The following CRCP variants were observed in gnomAD, a reference collection of about 807,000 sequenced individuals.
CRCP encodes DNA-directed RNA polymerase III subunit RPC9.
A neutral mutation model predicts 18.5 loss-of-function variants in CRCP; 18 were observed. The observed-to-expected ratio is 0.97, with a 90% CI of 0.67 to 1.44. CRCP has a LOEUF of 1.44. Ranked by LOEUF, CRCP falls within the 40% of genes most tolerant of loss-of-function variation. The pLI is 0.00. For missense variants in CRCP, 130 were observed against 176.4 expected (o/e 0.74, Z 1.49); for synonymous variants, 53 against 62.9 (o/e 0.84, Z 0.75).
chr7:66,143,363 A>G (rs1788194898), intron 4 of CRCP, among the ~76,000 whole-genome samples: 1 of 152,156 alleles, frequency 6.6e-6, no homozygotes. Context: ...GCCTCTTGAT[A>G]GTCAGGGCCC....
At chr7:66,138,075 T>C (rs1788020952) in intron 4 of CRCP, among the ~76,000 whole-genome samples, 1 of 152,246 alleles carries the variant, frequency 6.6e-6, no homozygotes, top group Non-Finnish European at 1.5e-5. Context: ...TTTGGCACTT[T>C]TCTGAGAACA....
At chr7:66,135,853 G>A (rs910420283) in intron 4 of CRCP, among the ~76,000 whole-genome samples, 10 of 152,064 alleles carry the variant, frequency 6.6e-5, no homozygotes. Context: ...CCTGGGAGAC[G>A]GAGGTTGCGG....
intron 1 of CRCP, chr7:66,119,639 TAG>T (rs1175447972): frequency 6.6e-6 from 1 of 152,164 alleles, no homozygotes; most frequent in African/African-American, 2.4e-5. Context: ...TGTTTATTGG[TAG>T]AGAGAAAACC....
intron 1 of CRCP, among the ~76,000 whole-genome samples, chr7:66,124,080 A>C (rs1354421087): frequency 1.2e-5 from 1 of 80,084 alleles, no homozygotes; most frequent in Non-Finnish European, 2.4e-5. Context: ...AAAAAAAAAA[A>C]GCCATGCCCA....
At chr7:66,147,888 A>G (rs1296245496) in intron 5 of CRCP, among the ~76,000 whole-genome samples, 1 of 152,016 alleles carries the variant, frequency 6.6e-6, no homozygotes, top group Non-Finnish European at 1.5e-5. Context: ...GTAAGACCCC[A>G]TCTCTACAAA....
chr7:66,116,338 T>C (rs758591340), intron 1 of CRCP, among the ~76,000 whole-genome samples: 2 of 151,386 alleles, frequency 1.3e-5, no homozygotes, highest in Non-Finnish European at 2.9e-5. Context: ...CTGCAAAAAA[T>C]TAAGAAGTTA....
chr7:66,130,097 CTTTTTTT>C (rs35682014), intron 2 of CRCP: 22 of 100,528 alleles, frequency 2.2e-4, no homozygotes, highest in East Asian at 4.2e-4. Flanking sequence ...AAGCAGGATT[CTTTTTTT>C]TTTTTTTTTT....
At chr7:66,127,476 G>C (rs1482010571) in intron 1 of CRCP, among the ~76,000 whole-genome samples, 6 of 152,186 alleles carry the variant, frequency 3.9e-5, no homozygotes, top group African/African-American at 1.4e-4. Context: ...ATGGGGAGAG[G>C]ACATGGCTGT....
chr7:66,119,802 AC>A (rs1456305961), intron 1 of CRCP: 1 of 152,240 alleles, frequency 6.6e-6, no homozygotes, highest in African/African-American at 2.4e-5. Context: ...GGGAATAATG[AC>A]AAAAAGCAGT....
chr7:66,129,108 C>T (rs13231061), intron 2 of CRCP, among the ~76,000 whole-genome samples: 5 of 151,982 alleles, frequency 3.3e-5, no homozygotes, highest in East Asian at 1.9e-4. Flanking sequence ...CCGAGGCGGG[C>T]GGATCACGAG....
intron 3 of CRCP, among the ~76,000 whole-genome samples, chr7:66,132,987 G>A (rs1464898779): frequency 6.6e-6 from 1 of 152,090 alleles, no homozygotes; most frequent in Non-Finnish European, 1.5e-5. Flanking sequence ...AGCGGGGCGG[G>A]GGGATTAAGC....
chr7:66,115,814 T>A (rs769656521), intron 1 of CRCP, among the ~76,000 whole-genome samples: 40 of 152,232 alleles, frequency 2.6e-4, no homozygotes, highest in Non-Finnish European at 5.1e-4. Flanking sequence ...TTTTAATTAA[T>A]TGTTTTTTCT....
intron 1 of CRCP, among the ~76,000 whole-genome samples, chr7:66,122,401 T>C (rs1296012034): frequency 6.9e-6 from 1 of 145,258 alleles, no homozygotes; most frequent in Non-Finnish European, 1.5e-5. Flanking sequence ...AAAAAGGCAC[T>C]GTTTGCATGT....
At chr7:66,146,934 T>C (rs1003923368) in intron 5 of CRCP, among the ~76,000 whole-genome samples, 1 of 152,170 alleles carries the variant, frequency 6.6e-6, no homozygotes, top group Non-Finnish European at 1.5e-5. Context: ...CAGCAACATA[T>C]GTTACTCATG....
At chr7:66,132,633 T>C (rs570909979) in intron 3 of CRCP, among the ~76,000 whole-genome samples, 1 of 152,282 alleles carries the variant, frequency 6.6e-6, no homozygotes, top group South Asian at 2.1e-4. Flanking sequence ...AGAAAGGATT[T>C]GGCTGGGCGT....
At chr7:66,138,621 T>TAAAAA (rs34807364) in intron 4 of CRCP, among the ~76,000 whole-genome samples, 1 of 93,400 alleles carries the variant, frequency 1.1e-5, no homozygotes, top group Non-Finnish European at 2.0e-5. Context: ...TCGTCTCTAC[T>TAAAAA]AAAAAAAAAA....
intron 1 of CRCP, among the ~76,000 whole-genome samples, chr7:66,116,084 C>T (rs1276300274): frequency 6.6e-6 from 1 of 152,092 alleles, no homozygotes; most frequent in Non-Finnish European, 1.5e-5. Flanking sequence ...CAGGCGTGAG[C>T]CACTTCACCT....
intron 4 of CRCP, among the ~76,000 whole-genome samples, chr7:66,140,560 T>G (rs529254435): frequency 6.6e-6 from 1 of 152,132 alleles, no homozygotes; most frequent in East Asian, 1.9e-4. Context: ...CACCGCTAAT[T>G]TTTGTATTTT....
intron 5 of CRCP, among the ~76,000 whole-genome samples, chr7:66,148,836 T>C (rs992534747): frequency 6.6e-6 from 1 of 152,272 alleles, no homozygotes; most frequent in Non-Finnish European, 1.5e-5. Context: ...CACTGTTACA[T>C]GTGTTCTCCT....
Sources: allele counts gnomAD v4.1 joint callset (sites outside exome capture counted in the v4.1 genomes callset), GRCh38; gene constraint gnomAD v4.1.1; transcripts MANE v1.5; gene names NCBI Gene and HGNC (gene_info 2026-07-23, HGNC 2026-07-21).